AFAP1: variants seen among roughly 807,000 people sequenced by gnomAD.
AFAP1 encodes the protein actin filament-associated protein 1.
AFAP1 carries 75 observed loss-of-function variants against 93.9 expected under a neutral mutation model. The ratio of observed to expected loss-of-function variants is 0.80; its 90% confidence interval spans 0.66 to 0.97. The LOEUF (loss-of-function observed/expected upper bound fraction) is 0.97, where lower values mean the gene tolerates loss of function less well. Among genes scored for constraint, AFAP1 ranks in the 50% least tolerant of loss-of-function variants. The probability of loss-of-function intolerance (pLI) is 0.00; values close to 1 mark genes in which losing one functional copy is unlikely to be tolerated. For synonymous variants in AFAP1, 517 were observed against 430.7 expected, an observed-to-expected ratio of 1.20 and a Z score of -2.48; for missense variants, 1,201 against 1,050.8, an observed-to-expected ratio of 1.14 and a Z score of -1.98.
At chr4:7,850,428 G>A (rs1274224514) in intron 4 of AFAP1, among the ~76,000 whole-genome samples, 1 of 152,224 alleles carries the variant, frequency 6.6e-6, no homozygotes, top group African/African-American at 2.4e-5. Context: ...CCCCCTGGAG[G>A]AGGGAGAGGG....
rs572657024 is a variant in AFAP1 at position 7,819,287 on chromosome 4, A to C, written c.727-116T>G. 3.4e-5 allele frequency: 30 copies of C among 870,470 alleles called. No individual in the cohort carries two copies. In the South Asian group the frequency reaches 6.7e-4, roughly 19 times the overall value. 53.9% of individuals were successfully genotyped at this position (870,470 alleles called of 1,614,324 possible). ...CGTGGTAGGGAAATTCATGGGCTCAAAGCACCTGGCTCTGAGTTCCAGCGT... is the reference window on the plus strand; with the variant it reads ...CGTGGTAGGGAAATTCATGGGCTCACAGCACCTGGCTCTGAGTTCCAGCGT... On this transcript the variant is annotated intron_variant, in intron 6 of 17. Transcript: ENST00000420658.
chr4:7,838,853 C>T (rs1712639215), intron 5 of AFAP1, 150 bp from the exon 6 acceptor site: 6 of 707,860 alleles, frequency 8.5e-6, no homozygotes, highest in Admixed American at 2.9e-5. Context: ...CACACACACA[C>T]ACACATACAC....
intron 4 of AFAP1, among the ~76,000 whole-genome samples, chr4:7,851,053 G>T (rs764855535): frequency 6.6e-6 from 1 of 152,078 alleles, no homozygotes; most frequent in Non-Finnish European, 1.5e-5. Context: ...TCACTGCTCC[G>T]CAGGTTGGTA....
At chr4:7,898,894 G>A (rs893864736) in intron 1 of AFAP1, among the ~76,000 whole-genome samples, 2 of 150,458 alleles carry the variant, frequency 1.3e-5, no homozygotes, top group Non-Finnish European at 3.0e-5. Flanking sequence ...TGTATATACA[G>A]AGAGGGAGAA....
At chr4:7,926,464 A>G (rs1320071) in intron 1 of AFAP1, among the ~76,000 whole-genome samples, 84,452 of 151,652 alleles carry the variant, frequency 0.56, 26,095 homozygotes, top group East Asian at 0.83. Flanking sequence ...TACTGTTTGT[A>G]TTCCCAGGGA....
chr4:7,815,978 T>A, intron 8 of AFAP1, 40 bp downstream of exon 8: 1 of 1,544,928 alleles, frequency 6.5e-7, no homozygotes, highest in Non-Finnish European at 8.7e-7. Flanking sequence ...TTTGTTTTTT[T>A]TTTTAGTGTA....
At chr4:7,853,746 C>A (rs909910646) in intron 4 of AFAP1, among the ~76,000 whole-genome samples, 5 of 152,300 alleles carry the variant, frequency 3.3e-5, no homozygotes, top group African/African-American at 1.2e-4. Context: ...GTGGTACAAT[C>A]CTTAACTGAG....
chr4:7,905,941 G>A (rs1469491054), intron 1 of AFAP1, among the ~76,000 whole-genome samples: 1 of 152,256 alleles, frequency 6.6e-6, no homozygotes, highest in African/African-American at 2.4e-5. Flanking sequence ...GGACACGCAT[G>A]CAACGTGGAG....
intron 1 of AFAP1, among the ~76,000 whole-genome samples, chr4:7,874,631 C>G (rs1288800125): frequency 6.8e-6 from 1 of 148,008 alleles, no homozygotes; most frequent in Non-Finnish European, 1.5e-5. Context: ...GATCTGCCCA[C>G]CTCGGCCTCC....
chr4:7,886,249 C>T (rs1279654939), intron 1 of AFAP1, among the ~76,000 whole-genome samples: 1 of 152,164 alleles, frequency 6.6e-6, no homozygotes, highest in Non-Finnish European at 1.5e-5. Flanking sequence ...CAGTTATGTG[C>T]CTACCAAGGC....
intron 12 of AFAP1, among the ~76,000 whole-genome samples, chr4:7,784,541 G>A (rs1302743443): frequency 6.6e-6 from 1 of 152,224 alleles, no homozygotes; most frequent in East Asian, 1.9e-4. Flanking sequence ...ACTGAGGAGG[G>A]AAGGGGGCAG....
chr4:7,937,531 G>C (rs1721459785), intron 1 of AFAP1, among the ~76,000 whole-genome samples: 1 of 152,180 alleles, frequency 6.6e-6, no homozygotes, highest in Non-Finnish European at 1.5e-5. Context: ...CTATCGCCCA[G>C]GCTGGAGTGC....
intron 10 of AFAP1, among the ~76,000 whole-genome samples, chr4:7,799,640 T>C (rs1440680896): frequency 3.9e-5 from 6 of 152,132 alleles, no homozygotes. Context: ...TCTGTGTGTG[T>C]ATGTTTGCAT....
chr4:7,862,731 G>A (rs1027984466), intron 3 of AFAP1, among the ~76,000 whole-genome samples: 3 of 152,132 alleles, frequency 2.0e-5, no homozygotes, highest in East Asian at 1.9e-4. Flanking sequence ...CTTGAAACAT[G>A]ATATAACCTC....
At chr4:7,926,191 G>T (rs1206291093) in intron 1 of AFAP1, among the ~76,000 whole-genome samples, 1 of 152,144 alleles carries the variant, frequency 6.6e-6, no homozygotes, top group East Asian at 1.9e-4. Flanking sequence ...GGTACACATG[G>T]CTTCTAATGC....
At chr4:7,764,914 T>C (rs1714340117) in intron 17 of AFAP1, among the ~76,000 whole-genome samples, 1 of 152,168 alleles carries the variant, frequency 6.6e-6, no homozygotes, top group Non-Finnish European at 1.5e-5. Context: ...AAGACCAGCC[T>C]GAGCAACTTA....
chr4:7,825,073 AAAT>A (rs1319167463), intron 6 of AFAP1, among the ~76,000 whole-genome samples: 1 of 152,254 alleles, frequency 6.6e-6, no homozygotes, highest in Admixed American at 6.5e-5. Context: ...GGGGTAATAC[AAAT>A]ATTATCATTC....
At chr4:7,869,929 T>C (rs1336371435) in intron 2 of AFAP1, among the ~76,000 whole-genome samples, 1 of 152,018 alleles carries the variant, frequency 6.6e-6, no homozygotes, top group Non-Finnish European at 1.5e-5. Flanking sequence ...TTGAAAAATA[T>C]CAGGAGATTC....
intron 3 of AFAP1, among the ~76,000 whole-genome samples, chr4:7,859,114 C>G (rs1325286542): frequency 1.3e-5 from 2 of 152,184 alleles, no homozygotes; most frequent in Non-Finnish European, 2.9e-5. Context: ...TCACAAAACA[C>G]AAGCTAAGGC....
Sources: allele counts gnomAD v4.1 joint callset (sites outside exome capture counted in the v4.1 genomes callset), GRCh38; gene constraint gnomAD v4.1.1; transcripts MANE v1.5; gene names NCBI Gene and HGNC (gene_info 2026-07-23, HGNC 2026-07-21).